Variants in LIN52 observed in about 807,000 individuals in gnomAD.
LIN52 encodes the protein lin-52 DREAM MuvB core complex component.
In LIN52, 4 loss-of-function variants were observed where a neutral mutation model predicts 18.5. The observed-to-expected ratio is 0.22, with a 90% confidence interval of 0.11 to 0.49. LIN52 has a LOEUF of 0.49. Among genes scored for constraint, LIN52 ranks in the 20% least tolerant of loss-of-function variants. The pLI is 0.97. For synonymous variants in LIN52, 34 were observed against 45.5 expected (o/e 0.75, Z 1.02); for missense variants, 102 against 139.5 (o/e 0.73, Z 1.35).
chr14:74,101,282 G>A (rs745548148), intron 5 of LIN52, 44 bp downstream of exon 5: 2 of 1,407,692 alleles, frequency 1.4e-6, no homozygotes, highest in South Asian at 1.3e-5. Context: ...ATTCCACCCT[G>A]AGCTGTGTAT....
intron 5 of LIN52, among the ~76,000 whole-genome samples, chr14:74,140,514 T>C (rs2061123710): frequency 6.6e-6 from 1 of 152,164 alleles, no homozygotes; most frequent in Non-Finnish European, 1.5e-5. Context: ...AGGATTGCCA[T>C]TAGTTTATGT....
At chr14:74,118,856 G>T (rs1217228360) in intron 5 of LIN52, among the ~76,000 whole-genome samples, 1 of 152,116 alleles carries the variant, frequency 6.6e-6, no homozygotes, top group Admixed American at 6.6e-5. Context: ...TCCTCTCAAA[G>T]CATTACTGTG....
intron 5 of LIN52, among the ~76,000 whole-genome samples, chr14:74,188,052 ATAT>A (rs2061348130): frequency 1.3e-5 from 2 of 152,238 alleles, no homozygotes; most frequent in Non-Finnish European, 1.5e-5. Context: ...TTATAGGGAA[ATAT>A]TATATTTGTC....
intron 5 of LIN52, among the ~76,000 whole-genome samples, chr14:74,191,130 G>A (rs991532779): frequency 3.3e-5 from 5 of 152,202 alleles, no homozygotes; most frequent in Admixed American, 1.3e-4. Context: ...CCAGCTCTGC[G>A]CCAGAGCCAC....
chr14:74,091,285 C>G lies in LIN52; in HGVS notation c.73C>G (p.Pro25Ala). 1.9e-6 allele frequency: 3 copies of G among 1,609,884 alleles called. No homozygotes were observed. Among genetic ancestry groups the G allele is most frequent in the Non-Finnish European group, 2.5e-6 (3 of 1,176,598 alleles). The change falls in exon 2 of 6, where the codon CCA becomes GCA. Residue 25 changes from proline to alanine, a missense_variant. Transcript: ENST00000555028. ...LSFEKLDRAS[P>A]DLWPEQLPGV... ...TTTTGAAAAACTTGACCGTGCCTCA[C>G]CAGATCTTTGGCCAGAACAATGTAA...
chr14:74,085,807 C>T lies in LIN52; in HGVS notation c.19+814C>T, dbSNP rs77425253. On this transcript the variant is annotated intron_variant, in intron 1 of 5. Transcript: ENST00000555028. ...TTAAACTCATTTTTAGTTCTACCAT[C>T]CTCATCCCAACTATATATCGATTTT... 2.5e-3 allele frequency among the ~76,000 whole-genome samples: 388 copies of T among 152,262 alleles called. 3 individuals carry two copies. The highest frequency in any genetic ancestry group is 8.9e-3 in the African/African-American group (371 of 41,552).
intron 5 of LIN52, among the ~76,000 whole-genome samples, chr14:74,117,266 C>T (rs1211751869): frequency 6.6e-6 from 1 of 152,086 alleles, no homozygotes; most frequent in Middle Eastern, 3.2e-3. Flanking sequence ...GGGCAAGAGA[C>T]GATTTAGTTG....
chr14:74,092,132 G>A (rs937488266), intron 2 of LIN52, among the ~76,000 whole-genome samples: 2 of 151,602 alleles, frequency 1.3e-5, no homozygotes, highest in South Asian at 2.1e-4. Context: ...CACCATGCCC[G>A]GCTAATTTTT....
chr14:74,114,498 A>C (rs934586662), intron 5 of LIN52: 1 of 846,022 alleles, frequency 1.2e-6, no homozygotes, highest in African/African-American at 1.8e-5. Context: ...AAATGTCTGG[A>C]TGGGGATGTT....
Position 74,114,346 on chromosome 14 carries a change from T to G in LIN52, c.283+13108T>G, listed in dbSNP as rs951625179. On this transcript the variant is annotated intron_variant, in intron 5 of 5. Transcript: ENST00000555028. ...GGAGGCATTGGTGCACAGGATAGAGTAGGATGGTAGAGAGAGGAGGCAGGA... is the reference window on the plus strand; with the variant it reads ...GGAGGCATTGGTGCACAGGATAGAGGAGGATGGTAGAGAGAGGAGGCAGGA... 5 of 984,510 alleles carry G rather than the reference T, an allele frequency of 5.1e-6. 1 individual carries two copies. The South Asian group carries it at 2.4e-4, about 46-fold the overall frequency. The allele number at this position is 984,510 out of a possible 1,614,324, so 61.0% of individuals were successfully genotyped here. A position where few individuals can be genotyped will look rare whatever the true frequency, so the allele number is the denominator to read the frequency against.
intron 5 of LIN52, among the ~76,000 whole-genome samples, chr14:74,152,785 C>T (rs749149988): frequency 6.6e-6 from 1 of 151,820 alleles, no homozygotes; most frequent in Non-Finnish European, 1.5e-5. Flanking sequence ...CACAATGAAA[C>T]CCCATCTCTA....
rs148261932 is a variant in LIN52, at chr14:74,128,817, G to A, written c.283+27579G>A. On this transcript the variant is annotated intron_variant, in intron 5 of 5. Coordinates refer to ENST00000555028, the MANE Select transcript of LIN52 (RefSeq NM_001024674.3). ...ACATTAGCCTGCTGTGGTGGTGCAC[G>A]CCTGTAATCCCAGCTACTCAGGAGG... Among the ~76,000 whole-genome samples, 713 of 152,138 alleles carry A rather than the reference G, an allele frequency of 4.7e-3. 2 individuals carry two copies. Among genetic ancestry groups the A allele is most frequent in the African/African-American group, 0.014 (600 of 41,498 alleles).
chr14:74,177,808 C>T lies in LIN52; in HGVS notation c.284-21114C>T, dbSNP rs147840141. Among the ~76,000 whole-genome samples, 566 of 152,246 alleles carry T rather than the reference C, an allele frequency of 3.7e-3. 4 individuals carry two copies. Among genetic ancestry groups the T allele is most frequent in the African/African-American group, 0.013 (529 of 41,544 alleles). On this transcript the variant is annotated intron_variant, in intron 5 of 5. Coordinates refer to ENST00000555028, the MANE Select transcript of LIN52 (RefSeq NM_001024674.3). ...TTATTTATTTATTGAGATGGAGTCT[C>T]GCTCTGTCGCCCAGGCTGGAGTGCA...
intron 5 of LIN52, among the ~76,000 whole-genome samples, chr14:74,128,658 G>A (rs2061041740): frequency 6.6e-6 from 1 of 152,204 alleles, no homozygotes; most frequent in Admixed American, 6.5e-5. Flanking sequence ...AAAGAACGCT[G>A]TGGCTGGGTG....
In LIN52 at chr14:74,097,790, A is replaced by C. The variant is rs2060824905; in HGVS notation, c.133-4A>C. 6.2e-7 allele frequency: 1 copy of C among 1,600,160 alleles called. No homozygotes were observed. Among genetic ancestry groups the C allele is most frequent in the Non-Finnish European group, 8.6e-7 (1 of 1,167,676 alleles). On this transcript the variant is annotated splice_region_variant and splice_polypyrimidine_tract_variant and intron_variant, in intron 3 of 5. Coordinates refer to ENST00000555028, the MANE Select transcript of LIN52 (RefSeq NM_001024674.3). The stretch of plus-strand genomic sequence containing the variant: ...GTCTGAATGGATATATTATTTTTTG[A>C]CAGCCTATTACTAGTTCTCCACCCA...
chr14:74,119,635 G>T (rs576201729), intron 5 of LIN52, among the ~76,000 whole-genome samples: 1 of 152,050 alleles, frequency 6.6e-6, no homozygotes, highest in South Asian at 2.1e-4. Context: ...CTTACCAACA[G>T]GTGTATTCTC....
At chr14:74,115,440 A>G (rs2060959080) in intron 5 of LIN52, among the ~76,000 whole-genome samples, 1 of 151,276 alleles carries the variant, frequency 6.6e-6, no homozygotes, top group Non-Finnish European at 1.5e-5. Flanking sequence ...CCTGAAAAAT[A>G]AAGCCAGAGA....
intron 5 of LIN52, among the ~76,000 whole-genome samples, chr14:74,161,462 C>G (rs1677685213): frequency 6.6e-6 from 1 of 152,142 alleles, no homozygotes; most frequent in South Asian, 2.1e-4. Flanking sequence ...GCTGGGATTA[C>G]CGGCGTCAGC....
intron 5 of LIN52, among the ~76,000 whole-genome samples, chr14:74,166,276 G>A (rs1004808355): frequency 2.0e-5 from 3 of 151,822 alleles, no homozygotes; most frequent in Non-Finnish European, 2.9e-5. Context: ...GAGTGCAATG[G>A]CGCGATCTCA....
Sources: allele counts gnomAD v4.1 joint callset (sites outside exome capture counted in the v4.1 genomes callset), GRCh38; gene constraint gnomAD v4.1.1; transcripts MANE v1.5; gene names NCBI Gene and HGNC (gene_info 2026-07-23, HGNC 2026-07-21).